DOCK2: variants seen among roughly 807,000 people sequenced by gnomAD.
DOCK2 encodes the protein dedicator of cytokinesis protein 2.
In DOCK2, 87 loss-of-function variants were observed where a neutral mutation model predicts 248.9. That is an observed-to-expected ratio of 0.35 (90% CI 0.29 to 0.42). The LOEUF is 0.42. Among genes scored for constraint, DOCK2 ranks in the 10% least tolerant of loss-of-function variants. The pLI, the probability that DOCK2 is intolerant of heterozygous loss-of-function variation, is 1.00. For missense variants in DOCK2, 1,747 were observed against 2,300.2 expected (o/e 0.76, Z 4.92); for synonymous variants, 805 against 821.6 (o/e 0.98, Z 0.35).
At chr5:169,787,060 T>C (rs1766028956) in intron 25 of DOCK2, among the ~76,000 whole-genome samples, 1 of 152,208 alleles carries the variant, frequency 6.6e-6, no homozygotes, top group Admixed American at 6.5e-5. Flanking sequence ...AGAGAGGTGC[T>C]GTTATTATTT....
At chr5:169,831,741 G>T (rs922392428) in intron 26 of DOCK2, among the ~76,000 whole-genome samples, 1 of 152,168 alleles carries the variant, frequency 6.6e-6, no homozygotes, top group Admixed American at 6.5e-5. Flanking sequence ...AAACTCAAAA[G>T]ATATTAGCTC....
At chr5:169,715,049 G>A (rs2113541026) in intron 19 of DOCK2, among the ~76,000 whole-genome samples, 1 of 152,130 alleles carries the variant, frequency 6.6e-6, no homozygotes, top group South Asian at 2.1e-4. Flanking sequence ...AAGTATTCTT[G>A]GTTTCTGCTG....
At chr5:169,997,466 C>G (rs1000809052) in intron 30 of DOCK2, among the ~76,000 whole-genome samples, 9 of 142,126 alleles carry the variant, frequency 6.3e-5, no homozygotes, top group African/African-American at 2.2e-4. Context: ...TCCCTTCCCA[C>G]GAGGCCATAT....
At chr5:170,022,013 G>A (rs1310083688) in intron 33 of DOCK2, among the ~76,000 whole-genome samples, 5 of 152,212 alleles carry the variant, frequency 3.3e-5, no homozygotes, top group African/African-American at 9.7e-5. Flanking sequence ...TCTCTAAAAT[G>A]TGGGTTGCTT....
At chr5:169,893,162 C>T (rs753102487) in intron 27 of DOCK2, among the ~76,000 whole-genome samples, 27 of 152,178 alleles carry the variant, frequency 1.8e-4, no homozygotes, top group Non-Finnish European at 3.4e-4. Context: ...CTTGAATTTC[C>T]TCTTTTGCAA....
intron 26 of DOCK2, among the ~76,000 whole-genome samples, chr5:169,816,938 G>A (rs748582531): frequency 6.6e-5 from 10 of 152,128 alleles, no homozygotes; most frequent in Non-Finnish European, 1.5e-4. Flanking sequence ...TCCAACTGGT[G>A]GTTTACAACC....
At chr5:169,829,666 T>C (rs1438870511) in intron 26 of DOCK2, among the ~76,000 whole-genome samples, 1 of 152,244 alleles carries the variant, frequency 6.6e-6, no homozygotes, top group Admixed American at 6.5e-5. Flanking sequence ...AGTATCAAAA[T>C]TGAAATAATT....
At position 169,888,940 on chromosome 5, in the gene DOCK2, C is replaced by G. The variant is rs548100822; in HGVS notation, c.2799+48088C>G. 9.9e-5 allele frequency among the ~76,000 whole-genome samples: 15 copies of G among 152,266 alleles called. No individual in the cohort carries two copies. The East Asian group carries it at 2.7e-3, about 27-fold the overall frequency. ...TTCCTTTGTGCAAGAAGTCCTATCT[C>G]CCTGCCGTCTCTGTACTTTGTGTCT... is the stretch of plus-strand genomic sequence containing the variant. On this transcript the variant is annotated intron_variant, in intron 27 of 51. Coordinates refer to ENST00000520908, the MANE Select transcript of DOCK2 (RefSeq NM_004946.3).
intron 26 of DOCK2, among the ~76,000 whole-genome samples, chr5:169,822,594 G>C (rs137985471): frequency 1.3e-3 from 196 of 152,248 alleles, no homozygotes; most frequent in African/African-American, 4.5e-3. Context: ...CAACACGCCA[G>C]AATCTCTGGG....
intron 25 of DOCK2, among the ~76,000 whole-genome samples, chr5:169,777,996 G>A (rs184518534): frequency 4.7e-4 from 72 of 152,236 alleles, no homozygotes; most frequent in African/African-American, 1.5e-3. Context: ...GAGGGGATAC[G>A]TGAGCACACA....
intron 34 of DOCK2, among the ~76,000 whole-genome samples, chr5:170,032,794 T>C (rs1367390614): frequency 1.3e-5 from 2 of 152,214 alleles, no homozygotes; most frequent in Non-Finnish European, 2.9e-5. Flanking sequence ...CAGCTTGGCT[T>C]GGCTTCTTGG....
chr5:170,045,370 AC>A (rs1313732187), intron 38 of DOCK2, among the ~76,000 whole-genome samples: 1 of 152,142 alleles, frequency 6.6e-6, no homozygotes, highest in Non-Finnish European at 1.5e-5. Flanking sequence ...GGTTTCCTTC[AC>A]TAAACACGAG....
At chr5:170,066,029 G>A (rs1308377283) in intron 44 of DOCK2, among the ~76,000 whole-genome samples, 2 of 145,788 alleles carry the variant, frequency 1.4e-5, no homozygotes, top group Admixed American at 7.0e-5. Context: ...TCAGCTCACT[G>A]CAAGCTCCGC....
At chr5:169,731,314 C>T (rs447298) in intron 22 of DOCK2, among the ~76,000 whole-genome samples, 48,273 of 151,648 alleles carry the variant, frequency 0.32, 11,422 homozygotes, top group African/African-American at 0.66. Flanking sequence ...GATTGAATTA[C>T]AGGGGTGGGT....
intron 27 of DOCK2, among the ~76,000 whole-genome samples, chr5:169,911,958 C>G (rs1774621013): frequency 6.6e-6 from 1 of 152,064 alleles, no homozygotes; most frequent in African/African-American, 2.4e-5. Flanking sequence ...ATGATGTTTC[C>G]TAGGTTGAAA....
At position 169,840,852 on chromosome 5, in the gene DOCK2, T is replaced by G; in HGVS notation, c.2799T>G (p.Ile933Met). The G allele has an allele frequency of 6.2e-7, 1 of 1,613,628 alleles. No homozygotes were observed. Among genetic ancestry groups the G allele is most frequent in the Non-Finnish European group, 8.5e-7 (1 of 1,179,832 alleles). The change falls in exon 27 of 52, where the codon ATT becomes ATG. Residue 933 changes from isoleucine (I) to methionine (M), a missense_variant and splice_region_variant. Coordinates refer to ENST00000520908, the MANE Select transcript of DOCK2 (RefSeq NM_004946.3). ...VITMGRDHIL[I>M]SHFVACMTAI... ...CCATGGGCCGGGATCACATTCTGAT[T>G]GTGAGTGGATTATTTCTTCTTGTCA...
Position 170,036,525 on chromosome 5 carries a change from A to G in DOCK2, c.3635A>G (p.Lys1212Arg). 6.2e-7 allele frequency: 1 copy of G among 1,613,186 alleles called. No homozygotes were observed. The highest frequency in any genetic ancestry group is 2.2e-5 in the East Asian group (1 of 44,836). The change falls in exon 36 of 52, where the codon AAA becomes AGA. Residue 1212 changes from lysine (K) to arginine (R), a missense_variant. By Grantham distance (26) the Lys-to-Arg change is conservative (BLOSUM62 2). This residue lies in a region of DOCK2 where 858 missense variants were observed against 1,183.5 expected (regional missense o/e 0.72). Coordinates refer to ENST00000520908, the MANE Select transcript of DOCK2 (RefSeq NM_004946.3). ...SCTVNLLNFY[K>R]DNNREEMYIR... ...TCCTCCCCTACCTAGAATTTCTACA[A>G]AGATAACAACAGGGAGGAGATGTAC... is the stretch of plus-strand genomic sequence containing the variant.
intron 29 of DOCK2, among the ~76,000 whole-genome samples, chr5:169,989,408 G>T (rs545055250): frequency 6.6e-6 from 1 of 152,110 alleles, no homozygotes; most frequent in Non-Finnish European, 1.5e-5. Flanking sequence ...ACATTTTGAG[G>T]AGGCTTAGGA....
At chr5:169,883,064 G>A (rs1232680594) in intron 27 of DOCK2, 6 of 1,551,644 alleles carry the variant, frequency 3.9e-6, no homozygotes, top group East Asian at 4.9e-5. Flanking sequence ...TTGGGCAAAA[G>A]CAATTCAGGT....
Sources: allele counts gnomAD v4.1 joint callset (sites outside exome capture counted in the v4.1 genomes callset), GRCh38; gene constraint gnomAD v4.1.1; regional missense constraint gnomAD v4.1.1; transcripts MANE v1.5; gene names NCBI Gene and HGNC (gene_info 2026-07-23, HGNC 2026-07-21).